EPHA6: variants seen among roughly 807,000 people sequenced by gnomAD.
EPHA6 encodes the protein ephrin type-A receptor 6.
Under a neutral mutation model 112.0 loss-of-function variants are expected in EPHA6, and 50 were observed. That is an observed-to-expected ratio of 0.45 (90% confidence interval 0.36 to 0.56). The LOEUF (loss-of-function observed/expected upper bound fraction) is 0.56, where lower values mean the gene tolerates loss of function less well. Among genes scored for constraint, EPHA6 ranks in the 20% least tolerant of loss-of-function variants. The probability of loss-of-function intolerance (pLI) is 0.00; values close to 1 mark genes in which losing one functional copy is unlikely to be tolerated. For missense variants in EPHA6, 1,280 were observed against 1,417.4 expected (o/e 0.90, Z 1.56); for synonymous variants, 529 against 490.7 (o/e 1.08, Z -1.03).
At chr3:97,516,695 T>C (rs1468177920) in intron 10 of EPHA6, among the ~76,000 whole-genome samples, 1 of 152,186 alleles carries the variant, frequency 6.6e-6, no homozygotes, top group African/African-American at 2.4e-5. Flanking sequence ...ATAACTCCTT[T>C]ATATGACATT....
At chr3:97,344,064 A>T (rs1353748856) in intron 5 of EPHA6, among the ~76,000 whole-genome samples, 1 of 152,076 alleles carries the variant, frequency 6.6e-6, no homozygotes, top group Non-Finnish European at 1.5e-5. Flanking sequence ...GAAGCACATA[A>T]CTTGTTTTGT....
At chr3:96,930,874 C>T (rs1221063789) in intron 2 of EPHA6, among the ~76,000 whole-genome samples, 7 of 151,608 alleles carry the variant, frequency 4.6e-5, no homozygotes, top group African/African-American at 1.7e-4. Flanking sequence ...CGCCTGTAAT[C>T]CCAGCTATTC....
At position 96,814,913 on chromosome 3, in the gene EPHA6, G is replaced by T; in HGVS notation, c.290G>T (p.Gly97Val). ...AGAGAGCCTAGGAGAACCATGGGGGGCTGCGAAGTCCGGGAATTTCTTTTG... is the reference window on the plus strand; with the variant it reads ...AGAGAGCCTAGGAGAACCATGGGGGTCTGCGAAGTCCGGGAATTTCTTTTG... The part of the protein sequence containing the change: ...RKREPRRTMG[G>V]CEVREFLLQF... The change falls in exon 1 of 18, where the codon GGC becomes GTC. Residue 97 changes from glycine to valine, a missense_variant. This residue lies in a region of EPHA6 where 220 missense variants were observed against 171.5 expected (regional missense o/e 1.28). Transcript: ENST00000389672. 1 of 1,552,572 alleles carries T rather than the reference G, an allele frequency of 6.4e-7. No individual in the cohort carries two copies. The highest frequency in any genetic ancestry group is 8.7e-7 in the Non-Finnish European group (1 of 1,147,326).
rs192817367 is a variant in EPHA6, at chr3:97,662,064, A to G, written c.2784+23982A>G. The stretch of plus-strand genomic sequence containing the variant: ...CTGATAGGGCTTCCTTATAGGTCCT[A>G]GTGACCCTTTGTAGCTCAAATAAGA... On this transcript the variant is annotated intron_variant, in intron 14 of 17. Coordinates refer to ENST00000389672, the MANE Select transcript of EPHA6 (RefSeq NM_001080448.3). Among the ~76,000 whole-genome samples, 5 of 152,294 alleles carry G rather than the reference A, an allele frequency of 3.3e-5. No individual in the cohort carries two copies. The East Asian group carries it at 9.7e-4, about 29-fold the overall frequency.
At chr3:97,078,691 T>G (rs750643436) in intron 3 of EPHA6, among the ~76,000 whole-genome samples, 5 of 152,094 alleles carry the variant, frequency 3.3e-5, no homozygotes, top group Non-Finnish European at 5.9e-5. Context: ...GTTTGTCAAA[T>G]ATCAGATGGT....
chr3:97,129,615 G>T (rs1052527356), intron 3 of EPHA6, among the ~76,000 whole-genome samples: 1 of 152,050 alleles, frequency 6.6e-6, no homozygotes, highest in Non-Finnish European at 1.5e-5. Context: ...TCTTAAAACA[G>T]TAAGGCACTT....
intron 2 of EPHA6, among the ~76,000 whole-genome samples, chr3:96,979,497 G>C (rs1260962402): frequency 1.3e-5 from 2 of 152,108 alleles, no homozygotes; most frequent in Non-Finnish European, 2.9e-5. Context: ...TGTGAATAGT[G>C]CCACAATAAA....
intron 2 of EPHA6, among the ~76,000 whole-genome samples, chr3:96,979,357 A>G (rs1233735557): frequency 6.6e-6 from 1 of 152,028 alleles, no homozygotes; most frequent in East Asian, 1.9e-4. Context: ...AGCTTCATCC[A>G]TGTCCCTACA....
intron 12 of EPHA6, among the ~76,000 whole-genome samples, chr3:97,594,797 A>C (rs1287634654): frequency 6.6e-6 from 1 of 152,208 alleles, no homozygotes; most frequent in African/African-American, 2.4e-5. Context: ...TGAGGGCAGC[A>C]AGTGTTTTCT....
At chr3:96,993,465 C>T (rs959816385) in intron 3 of EPHA6, among the ~76,000 whole-genome samples, 9 of 152,002 alleles carry the variant, frequency 5.9e-5, no homozygotes, top group African/African-American at 2.2e-4. Flanking sequence ...AATCTCCTGA[C>T]CTCCTGATCT....
At chr3:97,272,964 A>T (rs1356354976) in intron 5 of EPHA6, among the ~76,000 whole-genome samples, 1 of 152,114 alleles carries the variant, frequency 6.6e-6, no homozygotes, top group Non-Finnish European at 1.5e-5. Context: ...TGGGTAATGT[A>T]TCTCAGGGCT....
At chr3:97,635,101 G>A (rs1196028713) in intron 13 of EPHA6, among the ~76,000 whole-genome samples, 4 of 151,742 alleles carry the variant, frequency 2.6e-5, no homozygotes, top group African/African-American at 9.7e-5. Context: ...AGTGAAAAAA[G>A]GCAAAAACAT....
chr3:97,606,650 A>G (rs1390809598), intron 12 of EPHA6, among the ~76,000 whole-genome samples: 2 of 151,478 alleles, frequency 1.3e-5, no homozygotes, highest in African/African-American at 4.8e-5. Flanking sequence ...CACCATAAGA[A>G]GAAAACAGTT....
chr3:97,061,334 G>A (rs2046014841), intron 3 of EPHA6, among the ~76,000 whole-genome samples: 1 of 152,146 alleles, frequency 6.6e-6, no homozygotes. Context: ...GGGAAATGGG[G>A]CAACATTGAA....
At chr3:97,466,237 T>A (rs1246602569) in intron 7 of EPHA6, 5 of 956,966 alleles carry the variant, frequency 5.2e-6, no homozygotes, top group East Asian at 2.4e-5. Flanking sequence ...GGAGGCTGTG[T>A]TTATCATCAA....
chr3:97,070,332 A>G (rs2046314157), intron 3 of EPHA6, among the ~76,000 whole-genome samples: 1 of 152,084 alleles, frequency 6.6e-6, no homozygotes, highest in African/African-American at 2.4e-5. Context: ...AAAATAACAT[A>G]TGTATTCTGT....
intron 3 of EPHA6, among the ~76,000 whole-genome samples, chr3:97,147,657 C>A (rs972763844): frequency 6.6e-6 from 1 of 151,994 alleles, no homozygotes; most frequent in Non-Finnish European, 1.5e-5. Flanking sequence ...ATAGGAAAAA[C>A]TATAAAAACA....
intron 11 of EPHA6, among the ~76,000 whole-genome samples, chr3:97,587,839 G>C (rs1448827517): frequency 6.6e-6 from 1 of 152,072 alleles, no homozygotes; most frequent in Non-Finnish European, 1.5e-5. Context: ...GAAACAACAT[G>C]GTCTTCTAGG....
At chr3:97,048,475 C>T (rs1232813016) in intron 3 of EPHA6, among the ~76,000 whole-genome samples, 1 of 152,020 alleles carries the variant, frequency 6.6e-6, no homozygotes, top group Non-Finnish European at 1.5e-5. Flanking sequence ...ATTTATTAAA[C>T]AATGGAATTG....
Sources: allele counts gnomAD v4.1 joint callset (sites outside exome capture counted in the v4.1 genomes callset), GRCh38; gene constraint gnomAD v4.1.1; regional missense constraint gnomAD v4.1.1; transcripts MANE v1.5; gene names NCBI Gene and HGNC (gene_info 2026-07-23, HGNC 2026-07-21).